The following ZNF385D variants were observed in gnomAD, a reference collection of about 807,000 sequenced individuals.
ZNF385D encodes the protein zinc finger protein 385D.
A neutral mutation model predicts 35.8 loss-of-function variants in ZNF385D; 15 were observed. The ratio of observed to expected loss-of-function variants is 0.42; its 90% CI spans 0.28 to 0.64. ZNF385D has a LOEUF of 0.64. ZNF385D is among the 30% of genes least tolerant of loss of function. The pLI is 0.23. For synonymous variants in ZNF385D, 212 were observed against 186.8 expected (o/e 1.13, Z -1.10); for missense variants, 474 against 494.6 (o/e 0.96, Z 0.39).
intron 3 of ZNF385D, among the ~76,000 whole-genome samples, chr3:21,952,179 CATGGCTT>C (rs1702098050): frequency 1.3e-5 from 2 of 151,996 alleles, no homozygotes; most frequent in African/African-American, 4.8e-5. Context: ...TCTCTCCTCT[CATGGCTT>C]AAAAATCCTG....
chr3:21,605,943 T>C (rs1480186237), intron 2 of ZNF385D, among the ~76,000 whole-genome samples: 2 of 152,036 alleles, frequency 1.3e-5, no homozygotes, highest in African/African-American at 2.4e-5. Context: ...AACCACGTAA[T>C]GCACATCTTA....
intron 2 of ZNF385D, among the ~76,000 whole-genome samples, chr3:21,661,266 A>G (rs913050856): frequency 2.0e-5 from 3 of 152,132 alleles, no homozygotes; most frequent in Non-Finnish European, 2.9e-5. Context: ...CCATACAGCC[A>G]TTTGCTCCTG....
At chr3:22,117,226 T>C (rs868631737) in intron 3 of ZNF385D, among the ~76,000 whole-genome samples, 9 of 152,054 alleles carry the variant, frequency 5.9e-5, no homozygotes, top group African/African-American at 1.7e-4. Flanking sequence ...AAGTGTGCTT[T>C]GGCTCTCATA....
At chr3:21,679,736 G>C (rs1447030610) in intron 1 of ZNF385D, among the ~76,000 whole-genome samples, 1 of 151,996 alleles carries the variant, frequency 6.6e-6, no homozygotes, top group African/African-American at 2.4e-5. Flanking sequence ...AGACTAGCAG[G>C]GAGGGAAAAT....
At chr3:21,860,600 C>A (rs540057293) in intron 3 of ZNF385D, among the ~76,000 whole-genome samples, 1 of 152,116 alleles carries the variant, frequency 6.6e-6, no homozygotes, top group Non-Finnish European at 1.5e-5. Context: ...GGACAGGAAA[C>A]AGATCAAGCA....
At chr3:22,237,497 A>T (rs569990494) in intron 2 of ZNF385D, among the ~76,000 whole-genome samples, 1 of 152,184 alleles carries the variant, frequency 6.6e-6, no homozygotes, top group African/African-American at 2.4e-5. Context: ...AGATGTTTTA[A>T]TTTTTATGTA....
chr3:22,307,707 T>G (rs1703307671), intron 2 of ZNF385D, among the ~76,000 whole-genome samples: 2 of 150,874 alleles, frequency 1.3e-5, no homozygotes, highest in Middle Eastern at 3.4e-3. Flanking sequence ...TTTAAAATAG[T>G]CACACTCCTA....
intron 2 of ZNF385D, among the ~76,000 whole-genome samples, chr3:22,285,207 CTGTA>C (rs1167796140): frequency 1.3e-5 from 2 of 152,126 alleles, no homozygotes; most frequent in Admixed American, 1.3e-4. Context: ...ACAGGTTACT[CTGTA>C]TGTGATTCTG....
chr3:21,997,582 G>A (rs974977639), intron 3 of ZNF385D, among the ~76,000 whole-genome samples: 1 of 151,734 alleles, frequency 6.6e-6, no homozygotes, highest in Non-Finnish European at 1.5e-5. Context: ...ATAATATGGA[G>A]AGGAAGTAGA....
At chr3:21,671,897 A>G (rs2066588301) in intron 1 of ZNF385D, among the ~76,000 whole-genome samples, 1 of 152,188 alleles carries the variant, frequency 6.6e-6, no homozygotes, top group African/African-American at 2.4e-5. Context: ...AGAAGAATCC[A>G]GAAAGATATG....
At chr3:21,687,148 C>A (rs1163380458) in intron 1 of ZNF385D, among the ~76,000 whole-genome samples, 1 of 152,072 alleles carries the variant, frequency 6.6e-6, no homozygotes, top group Non-Finnish European at 1.5e-5. Context: ...AAACGGAGAA[C>A]CCAGATCCAC....
intron 3 of ZNF385D, among the ~76,000 whole-genome samples, chr3:21,901,822 G>A (rs557852938): frequency 2.6e-5 from 4 of 152,116 alleles, no homozygotes; most frequent in Non-Finnish European, 5.9e-5. Context: ...GGTTATTTGA[G>A]GTTAAAAAGG....
intron 1 of ZNF385D, among the ~76,000 whole-genome samples, chr3:21,677,178 A>G (rs912052685): frequency 9.9e-5 from 15 of 152,210 alleles, no homozygotes; most frequent in African/African-American, 3.6e-4. Flanking sequence ...GCTGGGGGCC[A>G]TGTCAGTGGA....
At chr3:21,572,736 C>G (rs570307080) in intron 2 of ZNF385D, among the ~76,000 whole-genome samples, 6 of 152,256 alleles carry the variant, frequency 3.9e-5, no homozygotes, top group African/African-American at 1.4e-4. Context: ...CAGCTTTCCA[C>G]CCTTGCACAG....
rs372292349 is a variant in ZNF385D at position 22,007,339 on chromosome 3, T to C, written c.325+161478A>G. 3.9e-4 allele frequency among the ~76,000 whole-genome samples: 59 copies of C among 152,364 alleles called. 4 individuals are homozygous for C. The South Asian group carries it at 0.01, about 26-fold the overall frequency. ...AAGATCTCATACATTCTTTTTAACA[T>C]TGGAATAACAGTCTTGCGTAAGTCT... On this transcript the variant is annotated intron_variant, in intron 3 of 5. Coordinates refer to the ZNF385D transcript ENST00000494108.
At chr3:21,748,202 C>A (rs2069874645) in intron 1 of ZNF385D, among the ~76,000 whole-genome samples, 1 of 152,160 alleles carries the variant, frequency 6.6e-6, no homozygotes, top group African/African-American at 2.4e-5. Flanking sequence ...CATTAGAAAG[C>A]TCTATTATTC....
At chr3:21,602,181 A>G (rs2125765113) in intron 2 of ZNF385D, among the ~76,000 whole-genome samples, 1 of 152,220 alleles carries the variant, frequency 6.6e-6, no homozygotes, top group East Asian at 2.0e-4. Context: ...CACTACCAGG[A>G]GAACAGTATG....
intron 3 of ZNF385D, among the ~76,000 whole-genome samples, chr3:21,949,196 A>G (rs1380085634): frequency 6.6e-6 from 1 of 152,172 alleles, no homozygotes; most frequent in Non-Finnish European, 1.5e-5. Flanking sequence ...ATTCTTAGGG[A>G]AACAGAATTT....
At chr3:21,814,510 C>G (rs528815592) in intron 3 of ZNF385D, among the ~76,000 whole-genome samples, 1 of 151,858 alleles carries the variant, frequency 6.6e-6, no homozygotes, top group African/African-American at 2.4e-5. Context: ...AAATGGAAAA[C>G]AAAAAAAGCA....
Sources: gnomAD v4.1 joint callset for allele counts (sites outside exome capture counted in the v4.1 genomes callset) on GRCh38, gnomAD v4.1.1 for gene constraint, MANE v1.5 for transcripts, NCBI Gene and HGNC (gene_info 2026-07-23, HGNC 2026-07-21) for gene names.